The following PRAMEF12 variants were observed in gnomAD, a reference collection of about 807,000 sequenced individuals.
PRAMEF12 encodes PRAME family member 12.
PRAMEF12 carries 24 observed loss-of-function variants against 24.6 expected under a neutral mutation model. The observed-to-expected ratio is 0.98, with a 90% CI of 0.71 to 1.37. The LOEUF is 1.37. Among genes scored for constraint, PRAMEF12 ranks in the 40% most tolerant of loss-of-function variants. PRAMEF12 has a pLI of 0.00. For missense variants in PRAMEF12, 646 were observed against 580.3 expected (o/e 1.11, Z -1.16); for synonymous variants, 286 against 242.6 (o/e 1.18, Z -1.66).
chr1:12,777,505 C>A lies in PRAMEF12; in HGVS notation c.1358C>A (p.Thr453Asn). 1.2e-6 allele frequency: 2 copies of A among 1,614,166 alleles called. No homozygotes were observed. The highest frequency in any genetic ancestry group is 1.7e-6 in the Non-Finnish European group (2 of 1,180,038). The change falls in exon 3 of 3, where the codon ACT becomes AAT. Residue 453 changes from threonine (T) to asparagine (N), a missense_variant. Transcript: ENST00000357726. Reference protein sequence around the residue: ...LRQPKIIVFSTVPCPRCGIRA... With the variant: ...LRQPKIIVFSNVPCPRCGIRA... The stretch of plus-strand genomic sequence containing the variant: ...CAGCCCAAGATAATTGTGTTCAGCA[C>A]TGTCCCCTGCCCTCGCTGTGGCATC...
Position 12,777,770 on chromosome 1 carries a change from ACCTG to A in PRAMEF12, c.*172_*175del. On this transcript the variant is annotated 3_prime_UTR_variant, in exon 3 of 3. Coordinates refer to ENST00000357726, the MANE Select transcript of PRAMEF12 (RefSeq NM_001080830.5). The stretch of plus-strand genomic sequence containing the variant: ...GTTGGAGTCAATAGGAGCTTTAGAG[ACCTG>A]TGTCCCAGAGAATCAGAAATGGGAA... 1.4e-6 allele frequency: 1 copy of A among 692,214 alleles called. No individual in the cohort carries two copies. Among genetic ancestry groups the A allele is most frequent in the Non-Finnish European group, 2.4e-6 (1 of 416,106 alleles). 42.9% of individuals were successfully genotyped at this position (692,214 alleles called of 1,614,324 possible).
At position 12,774,066 on chromosome 1, in the gene PRAMEF12, G is replaced by T. The variant is rs1379672456; in HGVS notation, c.-802G>T. Among the ~76,000 whole-genome samples the T allele has an allele frequency of 2.0e-5, 3 of 152,034 alleles. No homozygotes were observed. The highest frequency in any genetic ancestry group is 7.3e-5 in the African/African-American group (3 of 41,376). ...TTTTTTTAACAAGAGATATTAAAAA[G>T]TTACAACTGGTTGAATTTTTATTTC... On this transcript the variant is annotated 5_prime_UTR_variant, in exon 1 of 3. Transcript: ENST00000357726.
Position 12,777,281 on chromosome 1 carries a change from C to G in PRAMEF12, c.1134C>G (p.Leu378=), listed in dbSNP as rs920024998. The G allele has an allele frequency of 9.9e-6, 16 of 1,612,392 alleles. No individual in the cohort carries two copies. The highest frequency in any genetic ancestry group is 5.0e-5 in the Admixed American group (3 of 59,988). The change falls in exon 3 of 3, where the codon CTC becomes CTG. Residue 378 remains leucine (L), a synonymous_variant. Transcript: ENST00000357726. The stretch of plus-strand genomic sequence containing the variant: ...CTGCCCTGAGCCGCTGCTCCCAGCT[C>G]AGCACCTTCAGCTTCTGTGGGAACC... ...ILPALSRCSQ[L]STFSFCGNLI... is the part of the protein sequence containing the mutation.
Position 12,775,730 on chromosome 1 carries a change from G to T in PRAMEF12, c.475G>T (p.Asp159Tyr). ...LDLCFKNGTL[D>Y]ECLTHFLEWG... ...CCTTTGCTTCAAGAATGGGACGCTGGATGAATGCCTCACCCACTTCTTAGA... is the reference window on the plus strand; with the variant it reads ...CCTTTGCTTCAAGAATGGGACGCTGTATGAATGCCTCACCCACTTCTTAGA... Residue 159 changes from aspartate to tyrosine, a missense_variant, in exon 2 of 3, where the codon GAT becomes TAT. Transcript: ENST00000357726. 6.2e-7 allele frequency: 1 copy of T among 1,613,812 alleles called. No individual in the cohort carries two copies. The highest frequency in any genetic ancestry group is 1.3e-5 in the African/African-American group (1 of 74,878).
chr1:12,777,546 C>T lies in PRAMEF12; in HGVS notation c.1399C>T (p.Leu467=), dbSNP rs754343116. 11 of 1,614,140 alleles carry T rather than the reference C, an allele frequency of 6.8e-6. No homozygotes were observed. In the South Asian group the frequency reaches 7.7e-5, roughly 11 times the overall value. The change falls in exon 3 of 3, where the codon CTG becomes TTG. Residue 467 remains leucine, a synonymous_variant. Coordinates refer to ENST00000357726, the MANE Select transcript of PRAMEF12 (RefSeq NM_001080830.5). ...CTGTGGCATCAGGGCCTCCTATGAC[C>T]TGGAGCCCAGTCACTGTCTGTTGAA... The part of the protein sequence containing the change: ...PRCGIRASYD[L]EPSHCLLNAC...
rs1639022164 is a variant in PRAMEF12, at chr1:12,774,762, C to T, written c.-106C>T. The T allele has an allele frequency of 3.5e-6, 4 of 1,138,160 alleles. No individual in the cohort carries two copies. Among genetic ancestry groups the T allele is most frequent in the Non-Finnish European group, 5.0e-6 (4 of 798,302 alleles). 70.5% of individuals were successfully genotyped at this position (1,138,160 alleles called of 1,614,324 possible). On this transcript the variant is annotated 5_prime_UTR_variant, in exon 1 of 3. Coordinates refer to ENST00000357726, the MANE Select transcript of PRAMEF12 (RefSeq NM_001080830.5). The stretch of plus-strand genomic sequence containing the variant: ...AAGTGCAGAGTGGAATTGGGGTGAA[C>T]TAATTACCTTTCCACCTCTACCAGA...
intron 2 of PRAMEF12, among the ~76,000 whole-genome samples, chr1:12,776,741 C>T (rs563415489): frequency 2.1e-4 from 32 of 152,190 alleles, no homozygotes; most frequent in South Asian, 1.5e-3. Flanking sequence ...GTGTCTCCAT[C>T]GGGCTCCTGT....
At position 12,775,040 on chromosome 1, in the gene PRAMEF12, C is replaced by T; in HGVS notation, c.173C>T (p.Ala58Val). The T allele has an allele frequency of 6.2e-7, 1 of 1,614,158 alleles. No individual in the cohort carries two copies. The highest frequency in any genetic ancestry group is 8.5e-7 in the Non-Finnish European group (1 of 1,180,004). ...CCETLTTMVQ[A>V]WPFTCLPLGS... is the part of the protein sequence containing the mutation. ...GAGACCCTGACAACTATGGTGCAGG[C>T]CTGGCCCTTCACCTGCCTTCCTCTA... The change falls in exon 1 of 3, where the codon GCC (alanine) becomes GTC (valine). Residue 58 changes from alanine to valine, a missense_variant. Ala to Val is a moderately conservative substitution (Grantham distance 64, BLOSUM62 0). Transcript: ENST00000357726.
In PRAMEF12 at chr1:12,773,922, G is replaced by C. The variant is rs1453267985; in HGVS notation, c.-946G>C. ...GGTGGCAGAGAGAATTTTCTTGTCT[G>C]TTTTCAGAAGAACAAATTTAGGCTT... On this transcript the variant is annotated 5_prime_UTR_variant, in exon 1 of 3. Coordinates refer to ENST00000357726, the MANE Select transcript of PRAMEF12 (RefSeq NM_001080830.5). Among the ~76,000 whole-genome samples, 1 of 152,102 alleles carries C rather than the reference G, an allele frequency of 6.6e-6. No individual in the cohort carries two copies. Among genetic ancestry groups the C allele is most frequent in the Non-Finnish European group, 1.5e-5 (1 of 68,018 alleles).
chr1:12,777,678 A>G lies in PRAMEF12; in HGVS notation c.*79A>G. 6.7e-7 allele frequency: 1 copy of G among 1,502,706 alleles called. No homozygotes were observed. The highest frequency in any genetic ancestry group is 9.1e-7 in the Non-Finnish European group (1 of 1,097,668). The allele number at this position is 1,502,706 out of a possible 1,614,324, so 93.1% of individuals were successfully genotyped here. A position where few individuals can be genotyped will look rare whatever the true frequency, so the allele number is the denominator to read the frequency against. On this transcript the variant is annotated 3_prime_UTR_variant, in exon 3 of 3. Transcript: ENST00000357726. ...AGGGAGCACAGACCCATCGTTTCATATGCCTGCTCAATGTGAACCGGAAAG... is the reference window on the plus strand; with the variant it reads ...AGGGAGCACAGACCCATCGTTTCATGTGCCTGCTCAATGTGAACCGGAAAG...
Position 12,777,715 on chromosome 1 carries a change from C to A in PRAMEF12, c.*116C>A, listed in dbSNP as rs1639078935. ...TGTGAACCGGAAAGGAAAGGGGATG[C>A]AGGAAGGGAGGGACTGGGGGAAAAG... On this transcript the variant is annotated 3_prime_UTR_variant, in exon 3 of 3. Coordinates refer to ENST00000357726, the MANE Select transcript of PRAMEF12 (RefSeq NM_001080830.5). 11 of 1,261,706 alleles carry A rather than the reference C, an allele frequency of 8.7e-6. No homozygotes were observed. The highest frequency in any genetic ancestry group is 1.5e-5 in the African/African-American group (1 of 66,672). 78.2% of individuals were successfully genotyped at this position (1,261,706 alleles called of 1,614,324 possible).
rs555505559 is a variant in PRAMEF12 at position 12,774,429 on chromosome 1, G to T, written c.-439G>T. 6.6e-6 allele frequency among the ~76,000 whole-genome samples: 1 copy of T among 152,168 alleles called. No homozygotes were observed. Among genetic ancestry groups the T allele is most frequent in the Non-Finnish European group, 1.5e-5 (1 of 68,030 alleles). On this transcript the variant is annotated 5_prime_UTR_variant, in exon 1 of 3. Transcript: ENST00000357726. Reference sequence around the variant, plus strand: ...ATTTTTCAAAATAAAAAATAATGGCGCTGATTCCAAGGAGTCCCTTTAGTC... The same window carrying T: ...ATTTTTCAAAATAAAAAATAATGGCTCTGATTCCAAGGAGTCCCTTTAGTC...
At chr1:12,776,971 C>A (rs780208944) in intron 2 of PRAMEF12, 40 bp from the exon 3 acceptor site, 2 of 1,564,692 alleles carry the variant, frequency 1.3e-6, no homozygotes, top group South Asian at 2.4e-5. Context: ...TTGAGGTCTT[C>A]CCCACCACTC....
At chr1:12,775,489 A>T (rs1283307803) in intron 1 of PRAMEF12, 54 bp from the exon 2 acceptor site, 1 of 1,502,504 alleles carries the variant, frequency 6.7e-7, no homozygotes, top group Admixed American at 2.0e-5. Flanking sequence ...CGGGATGTGG[A>T]TAAAAGCTCA....
rs1375293985 is a variant in PRAMEF12 at position 12,774,770 on chromosome 1, C to T, written c.-98C>T. On this transcript the variant is annotated 5_prime_UTR_variant, in exon 1 of 3. Coordinates refer to ENST00000357726, the MANE Select transcript of PRAMEF12 (RefSeq NM_001080830.5). Reference sequence around the variant, plus strand: ...AGTGGAATTGGGGTGAACTAATTACCTTTCCACCTCTACCAGAGCAATGAC... The same window carrying T: ...AGTGGAATTGGGGTGAACTAATTACTTTTCCACCTCTACCAGAGCAATGAC... 1 of 1,246,864 alleles carries T rather than the reference C, an allele frequency of 8.0e-7. No individual in the cohort carries two copies. Among genetic ancestry groups the T allele is most frequent in the Non-Finnish European group, 1.1e-6 (1 of 893,952 alleles). The allele number at this position is 1,246,864 out of a possible 1,614,324, so 77.2% of individuals were successfully genotyped here. A position where few individuals can be genotyped will look rare whatever the true frequency, so the allele number is the denominator to read the frequency against.
rs1389231633 is a variant in PRAMEF12 at position 12,777,115 on chromosome 1, A to G, written c.968A>G (p.Glu323Gly). 5 of 1,613,844 alleles carry G rather than the reference A, an allele frequency of 3.1e-6. No individual in the cohort carries two copies. The highest frequency in any genetic ancestry group is 2.2e-5 in the East Asian group (1 of 44,834). ...SWCPSIRQLK[E>G]LDLRGITLTH... ...TGCCCGAGCATCCGTCAGCTAAAAGAGCTAGACCTGAGGGGCATCACACTG... is the reference window on the plus strand; with the variant it reads ...TGCCCGAGCATCCGTCAGCTAAAAGGGCTAGACCTGAGGGGCATCACACTG... The change falls in exon 3 of 3, where the codon GAG (glutamate) becomes GGG (glycine). Residue 323 changes from glutamate (E) to glycine (G), a missense_variant. Coordinates refer to ENST00000357726, the MANE Select transcript of PRAMEF12 (RefSeq NM_001080830.5).
Position 12,775,783 on chromosome 1 carries a change from G to A in PRAMEF12, c.528G>A (p.Leu176=), listed in dbSNP as rs371605201. The change falls in exon 2 of 3, where the codon CTG becomes CTA. Residue 176 remains leucine, a synonymous_variant. Coordinates refer to ENST00000357726, the MANE Select transcript of PRAMEF12 (RefSeq NM_001080830.5). The stretch of plus-strand genomic sequence containing the variant: ...GGGGCAAGCAGAGAAAAGGCTTACT[G>A]CACGTGTGTTGCAAGGAGCTGCAGA... ...LEWGKQRKGL[L]HVCCKELQIF... The A allele has an allele frequency of 1.1e-5, 18 of 1,613,812 alleles. No individual in the cohort carries two copies. Among genetic ancestry groups the A allele is most frequent in the Admixed American group, 5.0e-5 (3 of 59,988 alleles).
chr1:12,776,113 G>A lies in PRAMEF12; in HGVS notation c.858G>A (p.Leu286=), dbSNP rs1202588851. 1.2e-6 allele frequency: 2 copies of A among 1,613,832 alleles called. No individual in the cohort carries two copies. Among genetic ancestry groups the A allele is most frequent in the Non-Finnish European group, 8.5e-7 (1 of 1,179,724 alleles). ...TCCTCGAAGGCCACCTGGACCAGCT[G>A]CTCAGGTGAGGAAGTATGGTGAGCT... The part of the protein sequence containing the change: ...VSFLEGHLDQ[L]LRCLQAPLET... The change falls in exon 2 of 3, where the codon CTG becomes CTA. Residue 286 remains leucine (L), a synonymous_variant. Transcript: ENST00000357726.
At chr1:12,776,320 C>G (rs1639051510) in intron 2 of PRAMEF12, among the ~76,000 whole-genome samples, 1 of 152,066 alleles carries the variant, frequency 6.6e-6, no homozygotes, top group Non-Finnish European at 1.5e-5. Flanking sequence ...AGCGGGATCT[C>G]CTGGGCTAGA....
Sources: gnomAD v4.1 joint callset for allele counts (sites outside exome capture counted in the v4.1 genomes callset) on GRCh38, gnomAD v4.1.1 for gene constraint, MANE v1.5 for transcripts, NCBI Gene and HGNC (gene_info 2026-07-23, HGNC 2026-07-21) for gene names.